The following ZNF385B variants were observed in gnomAD, a reference collection of about 807,000 sequenced individuals.
ZNF385B encodes zinc finger protein 385B, also known as zinc finger protein 533.
Under a neutral mutation model 39.2 loss-of-function variants are expected in ZNF385B, and 23 were observed. The observed-to-expected ratio is 0.59, with a 90% CI of 0.42 to 0.83. The LOEUF is 0.83. Among genes scored for constraint, ZNF385B ranks in the 40% least tolerant of loss-of-function variants. ZNF385B has a pLI of 0.00. For missense variants in ZNF385B, 552 were observed against 598.9 expected, an observed-to-expected ratio of 0.92 and a Z score of 0.82; for synonymous variants, 205 against 222.6, an observed-to-expected ratio of 0.92 and a Z score of 0.70.
At position 179,468,392 on chromosome 2, in the gene ZNF385B, C is replaced by G. The variant is rs1337036339; in HGVS notation, c.715+14880G>C. On this transcript the variant is annotated intron_variant, in intron 6 of 9. Transcript: ENST00000410066. The stretch of plus-strand genomic sequence containing the variant: ...TCCGGGTTGAAAAACTGCCCCTTTT[C>G]CAATTTGTCACCAAGAGATGTGAAA... Among the ~76,000 whole-genome samples, 4 of 152,278 alleles carry G rather than the reference C, an allele frequency of 2.6e-5. No individual in the cohort carries two copies. In the South Asian group the frequency reaches 6.2e-4, roughly 24 times the overall value.
chr2:179,451,566 AT>A (rs1437547771), intron 6 of ZNF385B, among the ~76,000 whole-genome samples: 1 of 151,976 alleles, frequency 6.6e-6, no homozygotes, highest in Non-Finnish European at 1.5e-5. Flanking sequence ...TATGTTTTAA[AT>A]TTTTTTTCTC....
intron 3 of ZNF385B, among the ~76,000 whole-genome samples, chr2:179,698,954 A>T (rs1575269474): frequency 6.6e-6 from 1 of 152,316 alleles, no homozygotes; most frequent in Middle Eastern, 3.4e-3. Flanking sequence ...AGTTTATTTA[A>T]ATAATTTCAC....
At chr2:179,457,328 C>A (rs1006655822) in intron 6 of ZNF385B, among the ~76,000 whole-genome samples, 1 of 151,804 alleles carries the variant, frequency 6.6e-6, no homozygotes, top group Non-Finnish European at 1.5e-5. Flanking sequence ...TTGAATAATT[C>A]TACTATGTAC....
intron 1 of ZNF385B, among the ~76,000 whole-genome samples, chr2:179,820,415 A>G (rs1175029814): frequency 6.6e-6 from 1 of 151,850 alleles, no homozygotes; most frequent in Non-Finnish European, 1.5e-5. Flanking sequence ...AAATGTTCAT[A>G]TCATTGTTTG....
chr2:179,720,379 A>C (rs1700604476), intron 3 of ZNF385B, among the ~76,000 whole-genome samples: 1 of 141,684 alleles, frequency 7.1e-6, no homozygotes, highest in Non-Finnish European at 1.5e-5. Context: ...AAAAAGGAGT[A>C]GAGGAAAAGA....
chr2:179,700,741 C>T (rs528611912), intron 3 of ZNF385B, among the ~76,000 whole-genome samples: 8 of 152,244 alleles, frequency 5.3e-5, no homozygotes, highest in Admixed American at 1.3e-4. Flanking sequence ...TGGCCAGGCC[C>T]GGTGGCTCAC....
chr2:179,561,017 C>T (rs773482491), intron 3 of ZNF385B, among the ~76,000 whole-genome samples: 1 of 152,132 alleles, frequency 6.6e-6, no homozygotes, highest in Non-Finnish European at 1.5e-5. Context: ...CCTGAGTGCA[C>T]CATAGAATTT....
intron 3 of ZNF385B, among the ~76,000 whole-genome samples, chr2:179,679,330 T>A (rs936053008): frequency 6.6e-6 from 1 of 152,214 alleles, no homozygotes; most frequent in African/African-American, 2.4e-5. Flanking sequence ...CAAAATCGCC[T>A]AATGACATAT....
intron 3 of ZNF385B, among the ~76,000 whole-genome samples, chr2:179,710,529 G>A (rs573489530): frequency 2.0e-5 from 3 of 152,198 alleles, no homozygotes; most frequent in South Asian, 2.1e-4. Context: ...CTCCCATTAC[G>A]GAACATTTTA....
chr2:179,590,954 C>G (rs547413519), intron 3 of ZNF385B, among the ~76,000 whole-genome samples: 248 of 152,222 alleles, frequency 1.6e-3, no homozygotes, highest in African/African-American at 5.6e-3. Context: ...TGAAAATGAA[C>G]TAATACACTG....
chr2:179,488,765 C>G (rs912670186), intron 5 of ZNF385B, among the ~76,000 whole-genome samples: 14 of 152,196 alleles, frequency 9.2e-5, no homozygotes, highest in Admixed American at 9.2e-4. Context: ...TAGCAAAGGT[C>G]AGCTAATTTT....
intron 3 of ZNF385B, among the ~76,000 whole-genome samples, chr2:179,611,899 T>C (rs1462312095): frequency 6.6e-6 from 1 of 152,138 alleles, no homozygotes; most frequent in Non-Finnish European, 1.5e-5. Flanking sequence ...TAATTTTATT[T>C]ATTTGGGTCT....
intron 3 of ZNF385B, among the ~76,000 whole-genome samples, chr2:179,560,719 G>GT (rs2061277976): frequency 6.6e-6 from 1 of 152,054 alleles, no homozygotes; most frequent in Non-Finnish European, 1.5e-5. Context: ...CTGTCTGTGT[G>GT]CCTCTTTCAT....
At chr2:179,828,120 T>G (rs1268539285) in intron 1 of ZNF385B, among the ~76,000 whole-genome samples, 1 of 152,154 alleles carries the variant, frequency 6.6e-6, no homozygotes. Flanking sequence ...TCAATTGATA[T>G]TTGAGTATTT....
intron 1 of ZNF385B, among the ~76,000 whole-genome samples, chr2:179,777,713 A>G (rs947232498): frequency 6.6e-6 from 1 of 152,078 alleles, no homozygotes; most frequent in Non-Finnish European, 1.5e-5. Context: ...TACCTCAAAG[A>G]GATAATTAAG....
chr2:179,707,620 T>C (rs2106376962), intron 3 of ZNF385B, among the ~76,000 whole-genome samples: 1 of 152,312 alleles, frequency 6.6e-6, no homozygotes, highest in East Asian at 1.9e-4. Context: ...TTCACCAGTG[T>C]CTATCCTAAG....
intron 3 of ZNF385B, among the ~76,000 whole-genome samples, chr2:179,658,656 T>G (rs898775062): frequency 6.6e-6 from 1 of 152,230 alleles, no homozygotes; most frequent in African/African-American, 2.4e-5. Flanking sequence ...ACTTTCTCTG[T>G]GCAGATTGAC....
intron 3 of ZNF385B, among the ~76,000 whole-genome samples, chr2:179,626,314 C>T (rs538612934): frequency 6.6e-6 from 1 of 152,070 alleles, no homozygotes; most frequent in Non-Finnish European, 1.5e-5. Context: ...TTTTAATTTT[C>T]TGAGGGTAAA....
Position 179,807,929 on chromosome 2 carries a change from A to AGAAAGAAAGAAAGAAGGAAG in ZNF385B, c.-154-37258_-154-37257insCTTCCTTCTTTCTTTCTTTC, listed in dbSNP as rs749760813. On this transcript the variant is annotated intron_variant, in intron 1 of 9. Transcript: ENST00000410066. ...AAGAAAGAAAGAAAGAAAGAAAGAA[A>AGAAAGAAAGAAAGAAGGAAG]GAAGGAAGGAAGGAAGGAAGGAAAG... 6.9e-5 allele frequency among the ~76,000 whole-genome samples: 8 copies of AGAAAGAAAGAAAGAAGGAAG among 116,526 alleles called. No homozygotes were observed. In the South Asian group the frequency reaches 1.2e-3, roughly 17 times the overall value. The allele number at this position is 116,526 out of a possible 152,430, so 76.4% of individuals were successfully genotyped here. A position where few individuals can be genotyped will look rare whatever the true frequency, so the allele number is the denominator to read the frequency against.
Sources: allele counts gnomAD v4.1 joint callset (sites outside exome capture counted in the v4.1 genomes callset), GRCh38; gene constraint gnomAD v4.1.1; transcripts MANE v1.5; gene names NCBI Gene and HGNC (gene_info 2026-07-23, HGNC 2026-07-21).